NR3C2: variants seen among roughly 807,000 people sequenced by gnomAD.
NR3C2 encodes nuclear receptor subfamily 3 group C member 2, also known as mineralocorticoid receptor.
Under a neutral mutation model 86.4 loss-of-function variants are expected in NR3C2, and 15 were observed. The ratio of observed to expected loss-of-function variants is 0.17; its 90% CI spans 0.12 to 0.27. NR3C2 has a LOEUF of 0.27. NR3C2 is among the 10% of genes least tolerant of loss of function. NR3C2 has a pLI of 1.00. For synonymous variants in NR3C2, 458 were observed against 450.5 expected (o/e 1.02, Z -0.21); for missense variants, 960 against 1,195.6 (o/e 0.80, Z 2.91).
In NR3C2 at chr4:148,435,938, C is replaced by A. The variant is rs767133466; in HGVS notation, c.923G>T (p.Cys308Phe). 6 of 1,614,046 alleles carry A rather than the reference C, an allele frequency of 3.7e-6. No homozygotes were observed. The highest frequency in any genetic ancestry group is 5.1e-6 in the Non-Finnish European group (6 of 1,180,040). ...AGTGTTCGAAGGGCTGGAAACAGAG[C>A]ACCTTGAGTTGTTAATATTTGCAGG... ...SSPANINNSRCSVSSPSNTNN... is the reference protein window; with the variant it reads ...SSPANINNSRFSVSSPSNTNN... Residue 308 changes from cysteine to phenylalanine, a missense_variant, in exon 2 of 9, where the codon TGC becomes TTC. Cys to Phe is a radical substitution (Grantham distance 205). Transcript: ENST00000358102.
At chr4:148,402,273 G>A (rs1199261317) in intron 2 of NR3C2, among the ~76,000 whole-genome samples, 3 of 152,142 alleles carry the variant, frequency 2.0e-5, no homozygotes, top group Non-Finnish European at 4.4e-5. Context: ...TTCTGAACTA[G>A]GAAAAACTGG....
chr4:148,223,186 A>T (rs2149829802), intron 3 of NR3C2, among the ~76,000 whole-genome samples: 1 of 152,290 alleles, frequency 6.6e-6, no homozygotes, highest in Non-Finnish European at 1.5e-5. Flanking sequence ...TCAGCAATAC[A>T]GAGCTATGCA....
intron 2 of NR3C2, among the ~76,000 whole-genome samples, chr4:148,321,213 T>C (rs982615863): frequency 3.9e-5 from 5 of 129,482 alleles, no homozygotes; most frequent in Non-Finnish European, 8.7e-5. Flanking sequence ...AATCCTGAGT[T>C]CTAGTTTGAT....
chr4:148,305,842 T>G (rs1001327849), intron 2 of NR3C2, among the ~76,000 whole-genome samples: 1 of 152,208 alleles, frequency 6.6e-6, no homozygotes, highest in Non-Finnish European at 1.5e-5. Flanking sequence ...TAAAAACTCA[T>G]AGAAGTTATT....
chr4:148,399,055 C>A (rs1298409374), intron 2 of NR3C2, among the ~76,000 whole-genome samples: 1 of 152,202 alleles, frequency 6.6e-6, no homozygotes, highest in East Asian at 1.9e-4. Flanking sequence ...TCTTTGTAAA[C>A]TATGTCCTGG....
upstream of NR3C2, among the ~76,000 whole-genome samples, chr4:148,443,804 C>T (rs375068384): frequency 6.7e-4 from 102 of 152,272 alleles, 1 homozygote; most frequent in East Asian, 0.014. Flanking sequence ...GGGGGACACC[C>T]TGTGCCCAAA....
intron 3 of NR3C2, among the ~76,000 whole-genome samples, chr4:148,238,151 C>T (rs976437870): frequency 6.6e-6 from 1 of 152,108 alleles, no homozygotes. Flanking sequence ...GCTTAAGAAG[C>T]CCTCAGCAGG....
At chr4:148,120,343 G>A (rs982468172) in intron 6 of NR3C2, 55 bp from the exon 7 acceptor site, 9 of 1,610,538 alleles carry the variant, frequency 5.6e-6, no homozygotes, top group African/African-American at 1.3e-5. Context: ...ATCAAACCCA[G>A]ACTGGCAGCC....
chr4:148,092,596 G>A (rs1410553345), intron 8 of NR3C2, among the ~76,000 whole-genome samples: 1 of 152,182 alleles, frequency 6.6e-6, no homozygotes, highest in Non-Finnish European at 1.5e-5. Flanking sequence ...CATGTTGCTA[G>A]TTTTATTCAT....
intron 2 of NR3C2, among the ~76,000 whole-genome samples, chr4:148,325,135 TGAGA>T (rs969743404): frequency 8.1e-5 from 10 of 123,242 alleles, no homozygotes; most frequent in African/African-American, 1.9e-4. Flanking sequence ...GGAGAGAGAA[TGAGA>T]GAGAGAGAGA....
At chr4:148,136,077 C>A (rs917260704) in intron 6 of NR3C2, among the ~76,000 whole-genome samples, 1,631 of 28,360 alleles carry the variant, frequency 0.058, 67 homozygotes, top group African/African-American at 0.11. Context: ...AAAAAAAAAA[C>A]AAAAAAAAAA....
At chr4:148,251,308 C>T (rs1739566824) in intron 3 of NR3C2, among the ~76,000 whole-genome samples, 1 of 152,174 alleles carries the variant, frequency 6.6e-6, no homozygotes, top group African/African-American at 2.4e-5. Context: ...CCATGACAAC[C>T]TAAATGCCCA....
chr4:148,240,475 G>A (rs911902300), intron 3 of NR3C2, among the ~76,000 whole-genome samples: 1 of 151,902 alleles, frequency 6.6e-6, no homozygotes, highest in African/African-American at 2.4e-5. Flanking sequence ...AGAATACATA[G>A]ACATTTTTCT....
chr4:148,369,997 T>C (rs1450961074), intron 2 of NR3C2, among the ~76,000 whole-genome samples: 1 of 152,208 alleles, frequency 6.6e-6, no homozygotes, highest in Non-Finnish European at 1.5e-5. Flanking sequence ...AATAACATGC[T>C]TTCCTGTATT....
intron 3 of NR3C2, among the ~76,000 whole-genome samples, chr4:148,225,287 C>T (rs72653889): frequency 0.01 from 1,588 of 152,230 alleles, 13 homozygotes; most frequent in Non-Finnish European, 0.017. Flanking sequence ...ACGGCGCTTT[C>T]TGCTGAATGA....
chr4:148,183,106 A>G (rs1735719929), intron 4 of NR3C2, among the ~76,000 whole-genome samples: 1 of 152,146 alleles, frequency 6.6e-6, no homozygotes, highest in South Asian at 2.1e-4. Flanking sequence ...TTTGCTGAGA[A>G]TGATGGTTTC....
intron 6 of NR3C2, among the ~76,000 whole-genome samples, chr4:148,126,945 C>T (rs1578911894): frequency 6.6e-6 from 1 of 152,210 alleles, no homozygotes; most frequent in Admixed American, 6.5e-5. Flanking sequence ...TCTCCTTTCT[C>T]TGTGTGCCAA....
At chr4:148,159,999 G>T (rs1734585043) in intron 4 of NR3C2, among the ~76,000 whole-genome samples, 1 of 152,294 alleles carries the variant, frequency 6.6e-6, no homozygotes, top group Middle Eastern at 3.4e-3. Context: ...ATCTGTGTGT[G>T]TGCACGTGCA....
At chr4:148,243,779 T>C (rs1170867416) in intron 3 of NR3C2, among the ~76,000 whole-genome samples, 1 of 152,176 alleles carries the variant, frequency 6.6e-6, no homozygotes, top group Non-Finnish European at 1.5e-5. Flanking sequence ...TTTCTTACCA[T>C]AGTATAGAGC....
Sources: allele counts gnomAD v4.1 joint callset (sites outside exome capture counted in the v4.1 genomes callset), GRCh38; gene constraint gnomAD v4.1.1; transcripts MANE v1.5; gene names NCBI Gene and HGNC (gene_info 2026-07-23, HGNC 2026-07-21).